RTN4RL1: variants seen among roughly 807,000 people sequenced by gnomAD.
RTN4RL1 encodes the protein reticulon 4 receptor like 1.
A neutral mutation model predicts 25.6 loss-of-function variants in RTN4RL1; 7 were observed. The ratio of observed to expected loss-of-function variants is 0.27; its 90% confidence interval spans 0.16 to 0.51. The LOEUF (loss-of-function observed/expected upper bound fraction) is 0.51. RTN4RL1 is among the 20% of genes least tolerant of loss of function. The pLI, the probability that RTN4RL1 is intolerant of heterozygous loss-of-function variation, is 0.97. For missense variants in RTN4RL1, 500 were observed against 615.6 expected (o/e 0.81, Z 1.99); for synonymous variants, 297 against 288.2 (o/e 1.03, Z -0.31).
At chr17:2,005,182 C>T (rs901570868) in intron 1 of RTN4RL1, among the ~76,000 whole-genome samples, 7 of 151,934 alleles carry the variant, frequency 4.6e-5, no homozygotes, top group Admixed American at 2.0e-4. Context: ...ATGTTTTTCA[C>T]GTTTTGTGGA....
At chr17:1,972,145 A>C (rs2066823166) in intron 1 of RTN4RL1, among the ~76,000 whole-genome samples, 1 of 149,674 alleles carries the variant, frequency 6.7e-6, no homozygotes. Context: ...TCAAAAAATA[A>C]AGTAAAATCA....
intron 1 of RTN4RL1, among the ~76,000 whole-genome samples, chr17:1,967,894 G>C (rs2066799383): frequency 6.6e-6 from 1 of 152,150 alleles, no homozygotes; most frequent in Non-Finnish European, 1.5e-5. Flanking sequence ...ACTCGCCTCA[G>C]CCTCCCAAAG....
At chr17:1,957,253 A>G (rs1228609831) in intron 1 of RTN4RL1, among the ~76,000 whole-genome samples, 2 of 152,180 alleles carry the variant, frequency 1.3e-5, no homozygotes, top group African/African-American at 4.8e-5. Flanking sequence ...TAAAACCTCA[A>G]GTTCTACACT....
intron 1 of RTN4RL1, among the ~76,000 whole-genome samples, chr17:1,997,025 A>G (rs1199351709): frequency 1.3e-5 from 2 of 152,174 alleles, no homozygotes; most frequent in Non-Finnish European, 2.9e-5. Flanking sequence ...CCCGCAACCA[A>G]CCTGGCCTCC....
intron 1 of RTN4RL1, among the ~76,000 whole-genome samples, chr17:1,962,096 A>G (rs543817032): frequency 3.4e-5 from 5 of 146,960 alleles, no homozygotes; most frequent in South Asian, 4.4e-4. Flanking sequence ...AGCCTAGGCA[A>G]CACAGCAAGA....
chr17:1,939,283 G>A (rs1262812699), intron 1 of RTN4RL1, among the ~76,000 whole-genome samples: 1 of 151,980 alleles, frequency 6.6e-6, no homozygotes, highest in Non-Finnish European at 1.5e-5. Flanking sequence ...AACCCGGGAG[G>A]TGGAGCTTGC....
At chr17:1,985,703 G>A (rs560654166) in intron 1 of RTN4RL1, among the ~76,000 whole-genome samples, 139 of 152,302 alleles carry the variant, frequency 9.1e-4, no homozygotes, top group African/African-American at 3.2e-3. Context: ...TGTGACAGAT[G>A]TAGGAAGCCA....
rs115219204 is a variant in RTN4RL1 at position 2,013,864 on chromosome 17, T to C, written c.13+10989A>G. ...CCCTGGAACATAAATACCCCAGCTC[T>C]CTCACCCTTGGGGTTTGATAGCTTT... On this transcript the variant is annotated intron_variant, in intron 1 of 1. Coordinates refer to ENST00000331238, the MANE Select transcript of RTN4RL1 (RefSeq NM_178568.4). 3.5e-3 allele frequency among the ~76,000 whole-genome samples: 519 copies of C among 149,332 alleles called. 10 individuals are homozygous for C. Among genetic ancestry groups the C allele is most frequent in the African/African-American group, 0.013 (491 of 39,014 alleles).
At position 1,937,583 on chromosome 17, in the gene RTN4RL1, G is replaced by A; in HGVS notation, c.239C>T (p.Thr80Ile). 1.9e-6 allele frequency: 3 copies of A among 1,613,966 alleles called. No homozygotes were observed. The highest frequency in any genetic ancestry group is 1.7e-6 in the Non-Finnish European group (2 of 1,179,844). Residue 80 changes from threonine (T) to isoleucine (I), a missense_variant, in exon 2 of 2, where the codon ACC becomes ATC. Coordinates refer to ENST00000331238, the MANE Select transcript of RTN4RL1 (RefSeq NM_178568.4). Reference protein sequence around the residue: ...QPGHFSPAMVTLWIYSNNITY... With the variant: ...QPGHFSPAMVILWIYSNNITY... ...GATGTTGTTCGAGTAGATCCACAGG[G>A]TGACCATGGCGGGGCTGAAGTGGCC... is the stretch of plus-strand genomic sequence containing the variant.
At chr17:1,977,898 T>C (rs1389829629) in intron 1 of RTN4RL1, among the ~76,000 whole-genome samples, 2 of 149,614 alleles carry the variant, frequency 1.3e-5, no homozygotes, top group African/African-American at 4.9e-5. Context: ...GCACCCCGCA[T>C]CCCGCACCTG....
chr17:2,001,872 C>T (rs1010212533), intron 1 of RTN4RL1, among the ~76,000 whole-genome samples: 3 of 151,928 alleles, frequency 2.0e-5, no homozygotes, highest in African/African-American at 7.2e-5. Context: ...TTGGGGTTTG[C>T]AGCATCAGCT....
chr17:1,963,519 G>T (rs1400279043), intron 1 of RTN4RL1, among the ~76,000 whole-genome samples: 1 of 152,180 alleles, frequency 6.6e-6, no homozygotes, highest in Admixed American at 6.5e-5. Flanking sequence ...CACCTTCAGG[G>T]GCTCCCTGCT....
chr17:1,944,840 T>C (rs550538222), intron 1 of RTN4RL1, among the ~76,000 whole-genome samples: 10 of 152,154 alleles, frequency 6.6e-5, no homozygotes, highest in Non-Finnish European at 4.4e-5. Flanking sequence ...CCTGGACTAT[T>C]GCAATAGGCT....
At chr17:1,952,331 G>GTT (rs1213295319) in intron 1 of RTN4RL1, among the ~76,000 whole-genome samples, 8,689 of 97,824 alleles carry the variant, frequency 0.089, 320 homozygotes, top group Admixed American at 0.16. Flanking sequence ...AAGGGAGGTT[G>GTT]GTTTTTTTTT....
At chr17:1,993,783 C>CA (rs111293292) in intron 1 of RTN4RL1, among the ~76,000 whole-genome samples, 1,571 of 137,702 alleles carry the variant, frequency 0.011, 29 homozygotes, top group African/African-American at 0.035. Context: ...TTTTGAATCT[C>CA]AAAAAAAAAA....
chr17:1,971,879 A>G (rs370893182), intron 1 of RTN4RL1, among the ~76,000 whole-genome samples: 219 of 146,004 alleles, frequency 1.5e-3, no homozygotes, highest in African/African-American at 4.4e-3. Flanking sequence ...GGAGAATGGC[A>G]TGAACCTGGG....
At chr17:1,966,612 G>GTGGCCCTGTCTGTGTGGCCCGAA (rs1226773243) in intron 1 of RTN4RL1, among the ~76,000 whole-genome samples, 1 of 152,082 alleles carries the variant, frequency 6.6e-6, no homozygotes, top group Non-Finnish European at 1.5e-5. Context: ...TCTCTGTCTT[G>GTGGCCCTGTCTGTGTGGCCCGAA]GGGTTCCCTG....
intron 1 of RTN4RL1, among the ~76,000 whole-genome samples, chr17:1,980,462 C>T (rs535809547): frequency 7.2e-5 from 11 of 152,132 alleles, no homozygotes; most frequent in Non-Finnish European, 1.5e-4. Context: ...TTAAAAGCTT[C>T]GGCTATTCGG....
chr17:2,010,709 C>T (rs2067039182), intron 1 of RTN4RL1, among the ~76,000 whole-genome samples: 1 of 149,614 alleles, frequency 6.7e-6, no homozygotes, highest in Non-Finnish European at 1.5e-5. Context: ...AGGCACACAC[C>T]ATCATGCCTG....
Sources: allele counts gnomAD v4.1 joint callset (sites outside exome capture counted in the v4.1 genomes callset), GRCh38; gene constraint gnomAD v4.1.1; transcripts MANE v1.5; gene names NCBI Gene and HGNC (gene_info 2026-07-23, HGNC 2026-07-21).